RTN4RL1: variants seen among roughly 807,000 people sequenced by gnomAD.
The protein encoded by RTN4RL1 is reticulon-4 receptor-like 1.
RTN4RL1 carries 7 observed loss-of-function variants against 25.6 expected under a neutral mutation model. The observed-to-expected ratio is 0.27, with a 90% CI of 0.16 to 0.51. The LOEUF (loss-of-function observed/expected upper bound fraction) is 0.51, where lower values mean the gene tolerates loss of function less well. RTN4RL1 is among the 20% of genes least tolerant of loss of function. The pLI is 0.97. For missense variants in RTN4RL1, 500 were observed against 615.6 expected (o/e 0.81, Z 1.99); for synonymous variants, 297 against 288.2 (o/e 1.03, Z -0.31).
chr17:1,993,783 CA>C (rs111293292), intron 1 of RTN4RL1, among the ~76,000 whole-genome samples: 822 of 137,458 alleles, frequency 6.0e-3, no homozygotes, highest in Middle Eastern at 0.015. Flanking sequence ...TTTTGAATCT[CA>C]AAAAAAAAAA....
rs751319746 is a variant in RTN4RL1 at position 2,024,858 on chromosome 17, C to T, written c.8G>A (p.Arg3His). 5 of 1,584,964 alleles carry T rather than the reference C, an allele frequency of 3.2e-6. No homozygotes were observed. The highest frequency in any genetic ancestry group is 8.6e-7 in the Non-Finnish European group (1 of 1,166,656). Residue 3 changes from arginine (R) to histidine (H), a missense_variant, in exon 1 of 2, where the codon CGC becomes CAC. This residue lies in a region of RTN4RL1 where 232 missense variants were observed against 341.1 expected (regional missense o/e 0.68). Transcript: ENST00000331238. ML[R>H]KGCCVELLLL... ...CCCCTGCGGCTCCAACTCACCTTTG[C>T]GAAGCATGTTGGCCACGGGGCCGCC...
At chr17:1,999,512 A>G (rs924289763) in intron 1 of RTN4RL1, among the ~76,000 whole-genome samples, 4 of 152,052 alleles carry the variant, frequency 2.6e-5, no homozygotes, top group Admixed American at 6.5e-5. Flanking sequence ...GTATGTGCAC[A>G]TGCAGCTCCC....
chr17:2,024,747 G>A, intron 1 of RTN4RL1, 106 bp downstream of exon 1: 3 of 1,160,010 alleles, frequency 2.6e-6, no homozygotes, highest in African/African-American at 1.6e-5. Flanking sequence ...CCAGCCCGCC[G>A]GGGGCTACTT....
intron 1 of RTN4RL1, among the ~76,000 whole-genome samples, chr17:1,980,786 G>A (rs548998935): frequency 4.0e-5 from 6 of 151,698 alleles, no homozygotes; most frequent in Admixed American, 1.3e-4. Flanking sequence ...AAAAACAGCC[G>A]AGTGTGGTGG....
In RTN4RL1 at chr17:1,994,099, C is replaced by T. The variant is rs1054140812; in HGVS notation, c.13+30754G>A. 2.6e-5 allele frequency among the ~76,000 whole-genome samples: 4 copies of T among 152,148 alleles called. No homozygotes were observed. The highest frequency in any genetic ancestry group is 1.9e-4 in the East Asian group (1 of 5,198). On this transcript the variant is annotated intron_variant, in intron 1 of 1. Coordinates refer to ENST00000331238, the MANE Select transcript of RTN4RL1 (RefSeq NM_178568.4). The surrounding 1 kb of genome is among the most constrained non-coding windows in gnomAD (Gnocchi z 4.3). The stretch of plus-strand genomic sequence containing the variant: ...CAGGACACGTGCACTCGAACCTCGC[C>T]GCTCCGGGTCCCAATCTGTGGATTG...
intron 1 of RTN4RL1, among the ~76,000 whole-genome samples, chr17:1,953,106 T>TAAAC (rs1261755789): frequency 1.4e-4 from 21 of 151,274 alleles, no homozygotes; most frequent in South Asian, 1.2e-3. Flanking sequence ...AATAAATAAA[T>TAAAC]ATTAAAAAAT....
At chr17:1,957,069 G>GT (rs1422795552) in intron 1 of RTN4RL1, among the ~76,000 whole-genome samples, 1 of 152,188 alleles carries the variant, frequency 6.6e-6, no homozygotes, top group East Asian at 1.9e-4. Flanking sequence ...CCACATGACT[G>GT]TATCTATTGA....
intron 1 of RTN4RL1, among the ~76,000 whole-genome samples, chr17:1,959,776 G>C (rs1423440346): frequency 6.6e-6 from 1 of 152,102 alleles, no homozygotes; most frequent in Non-Finnish European, 1.5e-5. Context: ...TGTGGGCCCA[G>C]CTGGTTTCGA....
chr17:2,022,593 T>C (rs1265074174), intron 1 of RTN4RL1, among the ~76,000 whole-genome samples: 2 of 152,228 alleles, frequency 1.3e-5, no homozygotes, highest in South Asian at 4.1e-4. Flanking sequence ...CTGAGTGTCC[T>C]ATACAGGTGT....
In RTN4RL1 at chr17:1,935,495, T is replaced by TC. The variant is rs941024663; in HGVS notation, c.*1000dup. Reference sequence around the variant, plus strand: ...CTTGCTGCCTCCCCCTTCCTCACCGTCCCGCCGACACCTTGCCCCAGGCCC... The same window carrying TC: ...CTTGCTGCCTCCCCCTTCCTCACCGTCCCCGCCGACACCTTGCCCCAGGCCC... On this transcript the variant is annotated 3_prime_UTR_variant, in exon 2 of 2. Coordinates refer to ENST00000331238, the MANE Select transcript of RTN4RL1 (RefSeq NM_178568.4). 19 of 975,830 alleles carry TC rather than the reference T, an allele frequency of 1.9e-5. No individual in the cohort carries two copies. The East Asian group carries it at 4.6e-4, about 24-fold the overall frequency. 60.4% of individuals were successfully genotyped at this position (975,830 alleles called of 1,614,324 possible). A position where few individuals can be genotyped will look rare whatever the true frequency, so the allele number is the denominator to read the frequency against.
At chr17:2,011,132 T>G (rs2067044431) in intron 1 of RTN4RL1, among the ~76,000 whole-genome samples, 1 of 152,084 alleles carries the variant, frequency 6.6e-6, no homozygotes, top group Admixed American at 6.5e-5. Context: ...ATGCCTGTAA[T>G]CCCAGCTACT....
Position 2,024,981 on chromosome 17 carries a change from G to A in RTN4RL1, c.-116C>T. 1 of 1,169,998 alleles carries A rather than the reference G, an allele frequency of 8.5e-7. No homozygotes were observed. The highest frequency in any genetic ancestry group is 1.4e-5 in the South Asian group (1 of 72,482). 72.5% of individuals were successfully genotyped at this position (1,169,998 alleles called of 1,614,324 possible). A position where few individuals can be genotyped will look rare whatever the true frequency, so the allele number is the denominator to read the frequency against. On this transcript the variant is annotated 5_prime_UTR_variant, in exon 1 of 2. Transcript: ENST00000331238. Reference sequence around the variant, plus strand: ...TCCGAGCGCGTCGAGGCGGGGGCAAGCCGGGGATCCGCTCGTGCCCGGTGG... The same window carrying A: ...TCCGAGCGCGTCGAGGCGGGGGCAAACCGGGGATCCGCTCGTGCCCGGTGG...
chr17:1,990,945 C>T (rs1212355561), intron 1 of RTN4RL1, among the ~76,000 whole-genome samples: 1 of 152,046 alleles, frequency 6.6e-6, no homozygotes, highest in Non-Finnish European at 1.5e-5. Context: ...GTGTAGTGCT[C>T]CCCCTGCATA....
chr17:1,967,625 A>G (rs937373449), intron 1 of RTN4RL1, among the ~76,000 whole-genome samples: 2 of 150,662 alleles, frequency 1.3e-5, no homozygotes, highest in African/African-American at 4.9e-5. Context: ...GCCCAAGCCC[A>G]ACACTTTCCA....
chr17:1,987,230 G>A (rs563788231), intron 1 of RTN4RL1, among the ~76,000 whole-genome samples: 1 of 152,198 alleles, frequency 6.6e-6, no homozygotes. Flanking sequence ...GATAGAGCCA[G>A]CTCAGCCCCC....
At chr17:1,978,554 A>G (rs1057100008) in intron 1 of RTN4RL1, among the ~76,000 whole-genome samples, 2 of 147,354 alleles carry the variant, frequency 1.4e-5, no homozygotes, top group African/African-American at 5.0e-5. Context: ...GCTTGGAATT[A>G]GGCTGCGTTT....
Position 1,935,709 on chromosome 17 carries a change from G to GTT in RTN4RL1, c.*786_*787insAA, listed in dbSNP as rs1331113473. The GTT allele has an allele frequency of 5.0e-6, 1 of 199,206 alleles. No individual in the cohort carries two copies. The highest frequency in any genetic ancestry group is 3.0e-4 in the East Asian group (1 of 3,364). The allele number at this position is 199,206 out of a possible 1,614,324, so 12.3% of individuals were successfully genotyped here. A position where few individuals can be genotyped will look rare whatever the true frequency, so the allele number is the denominator to read the frequency against. ...GGAGTGGGAGGGGGACTGTGCATTT[G>GTT]TGTATATATATATATATATATATAT... On this transcript the variant is annotated 3_prime_UTR_variant, in exon 2 of 2. Coordinates refer to ENST00000331238, the MANE Select transcript of RTN4RL1 (RefSeq NM_178568.4).
chr17:2,018,313 G>T (rs1318888345), intron 1 of RTN4RL1, among the ~76,000 whole-genome samples: 5 of 152,218 alleles, frequency 3.3e-5, no homozygotes, highest in African/African-American at 1.2e-4. Flanking sequence ...AGGCAGGAGG[G>T]TTCCTGGCCC....
intron 1 of RTN4RL1, among the ~76,000 whole-genome samples, chr17:1,946,421 C>A (rs1915542166): frequency 6.6e-6 from 1 of 152,248 alleles, no homozygotes; most frequent in Non-Finnish European, 1.5e-5. Context: ...GTGTGTGTAC[C>A]TGTGTGTCAT....
Sources: gnomAD v4.1 joint callset for allele counts (sites outside exome capture counted in the v4.1 genomes callset) on GRCh38, gnomAD v4.1.1 for gene constraint, gnomAD v4.1.1 regional missense constraint, Gnocchi (gnomAD v3.1) non-coding constraint, MANE v1.5 for transcripts, NCBI Gene and HGNC (gene_info 2026-07-23, HGNC 2026-07-21) for gene names.